The following CEP112 variants were observed in gnomAD, a reference collection of about 807,000 sequenced individuals.
The protein encoded by CEP112 is centrosomal protein of 112 kDa.
Under a neutral mutation model 153.0 loss-of-function variants are expected in CEP112, and 127 were observed. The observed-to-expected ratio is 0.83, with a 90% CI of 0.72 to 0.96. The LOEUF is 0.96. Ranked by LOEUF, CEP112 falls within the 40% of genes least tolerant of loss-of-function variation. The probability of loss-of-function intolerance (pLI) is 0.00; values close to 1 mark genes in which losing one functional copy is unlikely to be tolerated. For synonymous variants in CEP112, 358 were observed against 374.4 expected, an observed-to-expected ratio of 0.96 and a Z score of 0.51; for missense variants, 1,089 against 1,101.2, an observed-to-expected ratio of 0.99 and a Z score of 0.16.
chr17:65,816,740 G>A (rs990848909), intron 21 of CEP112, among the ~76,000 whole-genome samples: 6 of 151,872 alleles, frequency 4.0e-5, no homozygotes, highest in African/African-American at 1.4e-4. Context: ...TCTGTAGTCT[G>A]TAGTTCTTTT....
intron 17 of CEP112, among the ~76,000 whole-genome samples, chr17:66,000,781 A>G (rs1026205139): frequency 2.6e-5 from 4 of 152,206 alleles, no homozygotes; most frequent in African/African-American, 9.7e-5. Context: ...GCAAGCCTGA[A>G]CATGTCATTG....
intron 8 of CEP112, among the ~76,000 whole-genome samples, chr17:66,073,980 T>C (rs1303937687): frequency 1.3e-5 from 2 of 151,956 alleles, no homozygotes; most frequent in East Asian, 3.9e-4. Flanking sequence ...TCAATATAAA[T>C]AAATAAGTTA....
At chr17:65,721,208 C>T (rs1448349265) in intron 23 of CEP112, among the ~76,000 whole-genome samples, 1 of 152,050 alleles carries the variant, frequency 6.6e-6, no homozygotes, top group Non-Finnish European at 1.5e-5. Flanking sequence ...GACGGGGTCT[C>T]ACCGTGTTAA....
At chr17:65,654,955 G>A (rs1292360636) in intron 24 of CEP112, 4 of 665,784 alleles carry the variant, frequency 6.0e-6, no homozygotes, top group Admixed American at 1.9e-5. Flanking sequence ...AAATTATTGC[G>A]GAAGCCGGGC....
intron 20 of CEP112, among the ~76,000 whole-genome samples, chr17:65,865,013 T>C (rs2058438042): frequency 6.6e-6 from 1 of 151,890 alleles, no homozygotes; most frequent in South Asian, 2.1e-4. Context: ...TTCATTTTAC[T>C]TTATACAGGA....
intron 4 of CEP112, among the ~76,000 whole-genome samples, chr17:66,142,722 C>A (rs72837157): frequency 6.6e-6 from 1 of 152,048 alleles, no homozygotes; most frequent in East Asian, 1.9e-4. Context: ...TCTGTCTTTA[C>A]GCCAGTATCA....
intron 6 of CEP112, among the ~76,000 whole-genome samples, chr17:66,119,104 A>G (rs535591390): frequency 1.3e-5 from 2 of 152,172 alleles, no homozygotes; most frequent in Admixed American, 6.5e-5. Context: ...CAGAAAACCA[A>G]CCACCACACG....
At chr17:65,882,886 T>C (rs970478688) in intron 20 of CEP112, among the ~76,000 whole-genome samples, 3 of 152,150 alleles carry the variant, frequency 2.0e-5, no homozygotes, top group Admixed American at 6.5e-5. Flanking sequence ...GCCGTGAGCC[T>C]CCTTCCCTGT....
chr17:65,800,723 T>C (rs2055217380), intron 21 of CEP112, among the ~76,000 whole-genome samples: 1 of 152,232 alleles, frequency 6.6e-6, no homozygotes, highest in African/African-American at 2.4e-5. Context: ...TAAATTCCCA[T>C]TGTAAAATAC....
intron 20 of CEP112, among the ~76,000 whole-genome samples, chr17:65,883,945 C>G (rs2059180889): frequency 6.6e-6 from 1 of 152,158 alleles, no homozygotes; most frequent in South Asian, 2.1e-4. Context: ...TTTCCAAGTT[C>G]TGCCTTGAGC....
chr17:66,027,589 A>C (rs1284064897), intron 15 of CEP112, 29 bp from the exon 16 acceptor site: 11 of 1,203,948 alleles, frequency 9.1e-6, no homozygotes, highest in Non-Finnish European at 1.2e-5. Context: ...TATATTTATT[A>C]TACTTTAAAT....
chr17:65,897,428 T>G (rs961763062), intron 20 of CEP112, among the ~76,000 whole-genome samples: 13 of 152,114 alleles, frequency 8.5e-5, no homozygotes, highest in Non-Finnish European at 7.4e-5. Flanking sequence ...TTTTATAGTT[T>G]TTCATAACAA....
intron 1 of CEP112, among the ~76,000 whole-genome samples, chr17:66,190,693 T>C (rs1041059693): frequency 6.6e-6 from 1 of 152,240 alleles, no homozygotes; most frequent in Non-Finnish European, 1.5e-5. Context: ...ATTTGGATCA[T>C]GTCTTTTATT....
rs1437270769 is a variant in CEP112 at position 65,989,628 on chromosome 17, C to T, written c.1736+16062G>A. 2.0e-5 allele frequency among the ~76,000 whole-genome samples: 3 copies of T among 152,050 alleles called. 1 individual carries two copies. Among genetic ancestry groups the T allele is most frequent in the Admixed American group, 2.0e-4 (3 of 15,266 alleles). On this transcript the variant is annotated intron_variant, in intron 17 of 26. Transcript: ENST00000535342. Reference sequence around the variant, plus strand: ...ACAACAAATGCTAAACAGAGTTTTTCCATTAGAAAGAAAAAAATACTAACG... The same window carrying T: ...ACAACAAATGCTAAACAGAGTTTTTTCATTAGAAAGAAAAAAATACTAACG...
intron 21 of CEP112, among the ~76,000 whole-genome samples, chr17:65,851,327 A>G (rs1439641689): frequency 6.6e-6 from 1 of 152,228 alleles, no homozygotes; most frequent in Non-Finnish European, 1.5e-5. Flanking sequence ...ATACTTCTAA[A>G]AAGACTTTTC....
chr17:65,921,465 A>T (rs1371005480), intron 19 of CEP112, among the ~76,000 whole-genome samples: 2 of 152,154 alleles, frequency 1.3e-5, no homozygotes, highest in Admixed American at 6.5e-5. Context: ...AAAAGTTTGT[A>T]TATTGTCACA....
chr17:65,972,400 G>C (rs1290377227), intron 17 of CEP112, among the ~76,000 whole-genome samples: 1 of 152,168 alleles, frequency 6.6e-6, no homozygotes, highest in East Asian at 1.9e-4. Context: ...CAATGTACTT[G>C]AAGGAAACTT....
intron 21 of CEP112, among the ~76,000 whole-genome samples, chr17:65,752,774 G>GT (rs1224730283): frequency 6.6e-6 from 1 of 152,150 alleles, no homozygotes; most frequent in East Asian, 1.9e-4. Context: ...AAATTGTTCA[G>GT]TTTTTAGGAT....
At chr17:65,642,944 G>A (rs2045224257) in intron 24 of CEP112, among the ~76,000 whole-genome samples, 1 of 152,094 alleles carries the variant, frequency 6.6e-6, no homozygotes, top group East Asian at 1.9e-4. Context: ...ACTGAAATAT[G>A]TTGTCCTACC....
Sources: allele counts gnomAD v4.1 joint callset (sites outside exome capture counted in the v4.1 genomes callset), GRCh38; gene constraint gnomAD v4.1.1; transcripts MANE v1.5; gene names NCBI Gene and HGNC (gene_info 2026-07-23, HGNC 2026-07-21).